ZBTB20: variants seen among roughly 807,000 people sequenced by gnomAD.
ZBTB20 encodes the protein zinc finger and BTB domain containing 20, also known as zinc finger and BTB domain-containing protein 20.
ZBTB20 carries 9 observed loss-of-function variants against 56.9 expected under a neutral mutation model. That is an observed-to-expected ratio of 0.16 (90% confidence interval 0.10 to 0.28). The LOEUF is 0.28. Among genes scored for constraint, ZBTB20 ranks in the 10% least tolerant of loss-of-function variants. ZBTB20 has a pLI of 1.00. For missense variants in ZBTB20, 655 were observed against 1,003.0 expected (o/e 0.65, Z 4.69); for synonymous variants, 417 against 420.7 (o/e 0.99, Z 0.11).
chr3:114,375,052 T>C (rs996331033), intron 10 of ZBTB20, among the ~76,000 whole-genome samples: 1 of 152,212 alleles, frequency 6.6e-6, no homozygotes, highest in Non-Finnish European at 1.5e-5. Flanking sequence ...CAGAGCCCTG[T>C]AAAACTGAAG....
chr3:115,067,299 G>A (rs2082240825), intron 2 of ZBTB20, among the ~76,000 whole-genome samples: 1 of 151,770 alleles, frequency 6.6e-6, no homozygotes, highest in Admixed American at 6.6e-5. Context: ...ACAAACCCGG[G>A]AAGCAATTAT....
At chr3:114,829,438 C>G (rs555060018) in intron 4 of ZBTB20, among the ~76,000 whole-genome samples, 2 of 151,824 alleles carry the variant, frequency 1.3e-5, no homozygotes, top group Non-Finnish European at 2.9e-5. Flanking sequence ...GAGTTTCCCA[C>G]GTTTATATTA....
chr3:115,101,960 C>T (rs755778608), intron 1 of ZBTB20, among the ~76,000 whole-genome samples: 6 of 152,278 alleles, frequency 3.9e-5, no homozygotes, highest in Non-Finnish European at 7.3e-5. Flanking sequence ...CGATTCTTCA[C>T]CTTATTCACA....
At chr3:114,520,227 A>G (rs1208575275) in intron 6 of ZBTB20, 1 of 152,166 alleles carries the variant, frequency 6.6e-6, no homozygotes, top group Admixed American at 6.5e-5. Context: ...AAATATCTCA[A>G]TAATTTGACA....
At chr3:114,710,552 TG>T (rs931832899) in intron 5 of ZBTB20, among the ~76,000 whole-genome samples, 4 of 152,318 alleles carry the variant, frequency 2.6e-5, no homozygotes, top group Non-Finnish European at 5.9e-5. Context: ...ATCCAGTGGC[TG>T]GGGTGAAATG....
intron 6 of ZBTB20, among the ~76,000 whole-genome samples, chr3:114,675,034 T>A (rs1055171537): frequency 3.4e-5 from 5 of 148,760 alleles, no homozygotes; most frequent in African/African-American, 1.2e-4. Context: ...TACAAACATT[T>A]AAAAAATCTA....
At chr3:114,669,722 A>G (rs1259670950) in intron 6 of ZBTB20, among the ~76,000 whole-genome samples, 1 of 151,940 alleles carries the variant, frequency 6.6e-6, no homozygotes, top group Admixed American at 6.6e-5. Context: ...TTCCATATGT[A>G]CCGCAAACAT....
At chr3:114,378,098 A>T (rs2083873461) in intron 10 of ZBTB20, among the ~76,000 whole-genome samples, 1 of 142,922 alleles carries the variant, frequency 7.0e-6, no homozygotes, top group African/African-American at 2.6e-5. Context: ...ATTTGAAAGT[A>T]AAAAAAAAAA....
chr3:114,740,697 G>A (rs1452314703), intron 5 of ZBTB20, among the ~76,000 whole-genome samples: 1 of 152,174 alleles, frequency 6.6e-6, no homozygotes, highest in Non-Finnish European at 1.5e-5. Context: ...ATTTTTGTGT[G>A]AAACAAGTAC....
At chr3:114,546,094 C>T (rs1271117606) in intron 6 of ZBTB20, among the ~76,000 whole-genome samples, 2 of 152,162 alleles carry the variant, frequency 1.3e-5, no homozygotes, top group Non-Finnish European at 2.9e-5. Flanking sequence ...ATTGATAATT[C>T]TCAAACATTG....
chr3:114,487,020 T>C (rs993450611), intron 7 of ZBTB20, among the ~76,000 whole-genome samples: 10 of 152,228 alleles, frequency 6.6e-5, no homozygotes, highest in Admixed American at 5.2e-4. Context: ...AGACTTCTTG[T>C]ACAAGATGCC....
chr3:115,017,574 C>A (rs73857901), intron 2 of ZBTB20, among the ~76,000 whole-genome samples: 13,822 of 150,548 alleles, frequency 0.092, 1,846 homozygotes, highest in African/African-American at 0.29. Context: ...TTAGATAGAT[C>A]AAAAAAAATG....
At chr3:114,353,166 G>A (rs1459751852) in intron 10 of ZBTB20, among the ~76,000 whole-genome samples, 1 of 152,102 alleles carries the variant, frequency 6.6e-6, no homozygotes, top group Non-Finnish European at 1.5e-5. Flanking sequence ...TGAACAATCA[G>A]CTTGGGAAAG....
intron 2 of ZBTB20, among the ~76,000 whole-genome samples, chr3:115,046,426 T>C (rs1434174466): frequency 6.6e-6 from 1 of 152,112 alleles, no homozygotes; most frequent in African/African-American, 2.4e-5. Flanking sequence ...CCAAAATGAG[T>C]AAACACATCA....
intron 6 of ZBTB20, among the ~76,000 whole-genome samples, chr3:114,566,626 G>A (rs746641231): frequency 3.3e-5 from 5 of 152,158 alleles, no homozygotes; most frequent in Admixed American, 6.5e-5. Context: ...CAATCTAAGA[G>A]CTGCCCATTC....
At chr3:114,770,304 G>A (rs2069107786) in intron 5 of ZBTB20, among the ~76,000 whole-genome samples, 1 of 151,950 alleles carries the variant, frequency 6.6e-6, no homozygotes, top group Non-Finnish European at 1.5e-5. Flanking sequence ...GCTGGGTTTG[G>A]TGGTGGGTGC....
intron 5 of ZBTB20, among the ~76,000 whole-genome samples, chr3:114,749,378 C>T (rs2067370802): frequency 6.6e-6 from 1 of 151,990 alleles, no homozygotes; most frequent in Admixed American, 6.6e-5. Context: ...ATAGTGAAAC[C>T]CCGTCGCTAC....
At chr3:114,563,144 C>T (rs1179513405) in intron 6 of ZBTB20, among the ~76,000 whole-genome samples, 5 of 152,098 alleles carry the variant, frequency 3.3e-5, no homozygotes, top group Non-Finnish European at 7.4e-5. Flanking sequence ...AAGAGGTATG[C>T]TTCTATATCC....
At chr3:114,684,371 G>T (rs2062188550) in intron 6 of ZBTB20, among the ~76,000 whole-genome samples, 1 of 152,154 alleles carries the variant, frequency 6.6e-6, no homozygotes, top group African/African-American at 2.4e-5. Flanking sequence ...ATAGCATTAA[G>T]ATTTGTGGTG....
Sources: gnomAD v4.1 joint callset for allele counts (sites outside exome capture counted in the v4.1 genomes callset) on GRCh38, gnomAD v4.1.1 for gene constraint, MANE v1.5 for transcripts, NCBI Gene and HGNC (gene_info 2026-07-23, HGNC 2026-07-21) for gene names.